The following CAMTA1 variants were observed in gnomAD, a reference collection of about 807,000 sequenced individuals.
CAMTA1 encodes the protein calmodulin binding transcription activator 1, also known as calmodulin-binding transcription activator 1.
CAMTA1 carries 27 observed loss-of-function variants against 170.9 expected under a neutral mutation model. The observed-to-expected ratio is 0.16, with a 90% CI of 0.12 to 0.22. The LOEUF is 0.22. Among genes scored for constraint, CAMTA1 ranks in the 10% least tolerant of loss-of-function variants. The pLI is 1.00. For synonymous variants in CAMTA1, 833 were observed against 891.5 expected, an observed-to-expected ratio of 0.93 and a Z score of 1.17; for missense variants, 1,619 against 2,217.2, an observed-to-expected ratio of 0.73 and a Z score of 5.42.
At chr1:7,485,353 C>G (rs2093604232) in intron 6 of CAMTA1, among the ~76,000 whole-genome samples, 1 of 152,218 alleles carries the variant, frequency 6.6e-6, no homozygotes, top group Non-Finnish European at 1.5e-5. Flanking sequence ...CACCACCCTC[C>G]TGACAGCCAC....
In CAMTA1 at chr1:6,802,414, A is replaced by C. The variant is rs558685483; in HGVS notation, c.45+16839A>C. ...GGTGATCATCTCACTCTGGTCGACT[A>C]TGAAAGAAGGTTGGTTAGATCCAGC... On this transcript the variant is annotated intron_variant, in intron 1 of 22. Coordinates refer to ENST00000303635, the MANE Select transcript of CAMTA1 (RefSeq NM_015215.4). Among the ~76,000 whole-genome samples the C allele has an allele frequency of 1.1e-4, 16 of 152,222 alleles. 1 individual carries two copies. The East Asian group carries it at 3.1e-3, about 29-fold the overall frequency.
rs558838708 is a variant in CAMTA1 at position 6,881,836 on chromosome 1, G to A, written c.234+56626G>A. Among the ~76,000 whole-genome samples, 100 of 152,206 alleles carry A rather than the reference G, an allele frequency of 6.6e-4. 1 individual carries two copies. The highest frequency in any genetic ancestry group is 3.4e-3 in the Middle Eastern group (1 of 294). ...CGAAAAATTAACTGGGCATGGTGGC[G>A]GTTGCCTGTAATCTCAGCTATACGG... On this transcript the variant is annotated intron_variant, in intron 3 of 22. Coordinates refer to ENST00000303635, the MANE Select transcript of CAMTA1 (RefSeq NM_015215.4).
At chr1:7,402,678 G>A (rs2089993541) in intron 5 of CAMTA1, among the ~76,000 whole-genome samples, 1 of 152,154 alleles carries the variant, frequency 6.6e-6, no homozygotes, top group Non-Finnish European at 1.5e-5. Context: ...CTTCTGTCTG[G>A]GTTTGACAGT....
intron 1 of CAMTA1, among the ~76,000 whole-genome samples, chr1:6,791,588 A>T (rs1641113568): frequency 6.6e-6 from 1 of 152,328 alleles, no homozygotes; most frequent in East Asian, 1.9e-4. Context: ...TTTACAAGGA[A>T]GTATGGGGGC....
chr1:7,169,191 A>T (rs1473421287), intron 4 of CAMTA1, among the ~76,000 whole-genome samples: 1 of 152,018 alleles, frequency 6.6e-6, no homozygotes, highest in Non-Finnish European at 1.5e-5. Context: ...GTTTTCTAAG[A>T]TTTTGTTTAG....
At chr1:7,227,206 C>T (rs1019269035) in intron 4 of CAMTA1, among the ~76,000 whole-genome samples, 1 of 152,106 alleles carries the variant, frequency 6.6e-6, no homozygotes, top group African/African-American at 2.4e-5. Flanking sequence ...TCACTCTGTC[C>T]GTCTCTGTGC....
intron 4 of CAMTA1, among the ~76,000 whole-genome samples, chr1:7,184,264 A>G (rs1478716032): frequency 6.6e-6 from 1 of 152,204 alleles, no homozygotes; most frequent in African/African-American, 2.4e-5. Context: ...GTTAATGGCT[A>G]TAAAAAAATA....
chr1:7,749,519 A>G (rs955437987), intron 19 of CAMTA1, among the ~76,000 whole-genome samples: 8 of 152,084 alleles, frequency 5.3e-5, no homozygotes. Context: ...TATTGATTCC[A>G]AAATATGAGT....
chr1:6,971,245 A>C lies in CAMTA1; in HGVS notation c.235-120059A>C, dbSNP rs537802392. 6.6e-6 allele frequency among the ~76,000 whole-genome samples: 1 copy of C among 152,324 alleles called. No individual in the cohort carries two copies. Among genetic ancestry groups the C allele is most frequent in the East Asian group, 1.9e-4 (1 of 5,176 alleles). On this transcript the variant is annotated intron_variant, in intron 3 of 22. Transcript: ENST00000303635. This position sits in a 1 kb window ranked among gnomAD's most constrained non-coding sequence, Gnocchi z 4.6. ...CTCCCCACTCCTGATGAGTAATTAC[A>C]CGTGGCTGTCTGGGAGTGGGAGTAT...
At chr1:6,822,216 T>G (rs955697372) in intron 2 of CAMTA1, among the ~76,000 whole-genome samples, 7 of 152,190 alleles carry the variant, frequency 4.6e-5, no homozygotes, top group Non-Finnish European at 8.8e-5. Context: ...TATTAGGATT[T>G]GAAAACTGGT....
At chr1:7,710,230 G>C (rs2096559179) in intron 11 of CAMTA1, among the ~76,000 whole-genome samples, 1 of 152,164 alleles carries the variant, frequency 6.6e-6, no homozygotes, top group Admixed American at 6.6e-5. Context: ...TATTGCTACT[G>C]TCATTTATCA....
intron 6 of CAMTA1, among the ~76,000 whole-genome samples, chr1:7,473,382 G>A (rs1183437231): frequency 4.6e-5 from 7 of 152,194 alleles, no homozygotes; most frequent in Non-Finnish European, 1.0e-4. Flanking sequence ...CAGAGGGACC[G>A]GCAGTCCTAG....
chr1:6,987,287 C>A (rs140542337), intron 3 of CAMTA1, among the ~76,000 whole-genome samples: 2,371 of 152,190 alleles, frequency 0.016, 61 homozygotes, highest in African/African-American at 0.054. Flanking sequence ...CTCAGCCTCC[C>A]AAGTAGCTGG....
At chr1:7,304,597 C>T (rs1292249554) in intron 5 of CAMTA1, among the ~76,000 whole-genome samples, 3 of 141,906 alleles carry the variant, frequency 2.1e-5, no homozygotes, top group African/African-American at 2.6e-5. Context: ...GTTATCAAAG[C>T]TTTTTTTTTT....
intron 6 of CAMTA1, among the ~76,000 whole-genome samples, chr1:7,557,308 GAAA>G (rs34354980): frequency 1.6e-5 from 2 of 128,838 alleles, no homozygotes; most frequent in Admixed American, 7.9e-5. Context: ...ACTCCGTTCA[GAAA>G]AAAAAAAAAA....
At chr1:7,751,530 T>C (rs1239741028) in intron 20 of CAMTA1, 138 bp downstream of exon 20, 1 of 631,594 alleles carries the variant, frequency 1.6e-6, no homozygotes, top group Non-Finnish European at 2.5e-6. Flanking sequence ...CAGAACGTTT[T>C]AGGCATGGTG....
chr1:6,822,555 CA>C (rs543045248), intron 2 of CAMTA1, among the ~76,000 whole-genome samples: 6 of 152,134 alleles, frequency 3.9e-5, no homozygotes, highest in Non-Finnish European at 8.8e-5. Context: ...GGAAATGGTA[CA>C]CTTTAAAAAC....
chr1:7,080,574 A>G (rs1008176250), intron 3 of CAMTA1, among the ~76,000 whole-genome samples: 1 of 152,084 alleles, frequency 6.6e-6, no homozygotes, highest in African/African-American at 2.4e-5. Flanking sequence ...TTGCTCTGTC[A>G]CTCAGGCTGG....
At chr1:6,858,621 A>G (rs1663420341) in intron 3 of CAMTA1, among the ~76,000 whole-genome samples, 1 of 152,118 alleles carries the variant, frequency 6.6e-6, no homozygotes, top group Non-Finnish European at 1.5e-5. Context: ...GTCTGATCCT[A>G]TAGTGGGTAT....
Sources: gnomAD v4.1 joint callset for allele counts (sites outside exome capture counted in the v4.1 genomes callset) on GRCh38, gnomAD v4.1.1 for gene constraint, Gnocchi (gnomAD v3.1) non-coding constraint, MANE v1.5 for transcripts, NCBI Gene and HGNC (gene_info 2026-07-23, HGNC 2026-07-21) for gene names.